The following DNAH14 variants were observed in gnomAD, a reference collection of about 807,000 sequenced individuals.
DNAH14 encodes the protein axonemal beta dynein heavy chain 14.
In DNAH14, 478 loss-of-function variants were observed where a neutral mutation model predicts 520.9. That is an observed-to-expected ratio of 0.92 (90% CI 0.85 to 0.99). The LOEUF (loss-of-function observed/expected upper bound fraction) is 0.99. Ranked by LOEUF, DNAH14 falls within the 50% of genes least tolerant of loss-of-function variation. DNAH14 has a pLI of 0.00. For synonymous variants in DNAH14, 1,581 were observed against 1,757.2 expected (o/e 0.90, Z 2.51); for missense variants, 4,831 against 5,234.5 (o/e 0.92, Z 2.38).
At chr1:225,371,372 G>T (rs1010221044) in intron 77 of DNAH14, among the ~76,000 whole-genome samples, 5 of 152,014 alleles carry the variant, frequency 3.3e-5, no homozygotes, top group African/African-American at 1.2e-4. Flanking sequence ...CATTTGTTAT[G>T]AATTTTGGAG....
At chr1:225,230,405 G>A (rs1346689973) in intron 41 of DNAH14, among the ~76,000 whole-genome samples, 1 of 152,000 alleles carries the variant, frequency 6.6e-6, no homozygotes, top group Non-Finnish European at 1.5e-5. Context: ...ACAAAGAAAT[G>A]CATCAACATA....
At chr1:225,249,672 G>A (rs1209547387) in intron 43 of DNAH14, among the ~76,000 whole-genome samples, 1 of 152,204 alleles carries the variant, frequency 6.6e-6, no homozygotes, top group Non-Finnish European at 1.5e-5. Flanking sequence ...AGTTTACTGA[G>A]TGGTGCAACC....
intron 39 of DNAH14, 133 bp downstream of exon 39, chr1:225,204,406 A>G: frequency 5.8e-6 from 3 of 515,982 alleles, no homozygotes; most frequent in Non-Finnish European, 6.6e-6. Context: ...ATTTGTTCGT[A>G]TGTTTATTTA....
Position 225,289,945 on chromosome 1 carries a change from A to G in DNAH14, c.8332A>G (p.Asn2778Asp). 3.9e-6 allele frequency: 6 copies of G among 1,527,026 alleles called. No individual in the cohort carries two copies. Among genetic ancestry groups the G allele is most frequent in the Middle Eastern group, 1.7e-4 (1 of 5,870 alleles). 94.6% of individuals were successfully genotyped at this position (1,527,026 alleles called of 1,614,324 possible). Residue 2778 changes from asparagine to aspartate, a missense_variant, in exon 55 of 86, where the codon AAT (asparagine) becomes GAT (aspartate). By Grantham distance (23) the Asn-to-Asp change is conservative. Transcript: ENST00000682510. ...AACCTTGGCCTGTTATTTGACAGATAATAAACTATACCGAGTGCCTATATC... is the reference window on the plus strand; with the variant it reads ...AACCTTGGCCTGTTATTTGACAGATGATAAACTATACCGAGTGCCTATATC... ...CATLACYLTDNKLYRVPISHK... is the reference protein window; with the variant it reads ...CATLACYLTDDKLYRVPISHK...
intron 43 of DNAH14, chr1:225,250,567 T>C: frequency 2.3e-6 from 1 of 437,808 alleles, no homozygotes; most frequent in East Asian, 3.5e-5. Context: ...CAGACTCAGA[T>C]GAAGAAAAGG....
chr1:225,052,196 A>C (rs2068603677), intron 17 of DNAH14, among the ~76,000 whole-genome samples: 1 of 152,180 alleles, frequency 6.6e-6, no homozygotes, highest in Admixed American at 6.5e-5. Flanking sequence ...ATACAGATGA[A>C]TATTGGAGTT....
chr1:225,374,138 T>A (rs12735713), intron 77 of DNAH14, among the ~76,000 whole-genome samples: 1 of 98,182 alleles, frequency 1.0e-5, no homozygotes, highest in East Asian at 3.1e-4. Context: ...CCAATATTTG[T>A]GTCTTACTAT....
chr1:225,158,866 A>C (rs921235008), intron 34 of DNAH14, among the ~76,000 whole-genome samples: 2 of 152,196 alleles, frequency 1.3e-5, no homozygotes, highest in African/African-American at 4.8e-5. Context: ...AGTCACTGCT[A>C]TCTGGATCCA....
At chr1:225,141,074 T>G (rs1474447897) in intron 28 of DNAH14, 53 bp downstream of exon 28, 11 of 1,432,016 alleles carry the variant, frequency 7.7e-6, no homozygotes, top group Non-Finnish European at 9.3e-7. Context: ...AAATATATCT[T>G]TAGGTAAATT....
chr1:225,379,117 T>A (rs558703520), intron 79 of DNAH14, among the ~76,000 whole-genome samples: 59 of 152,244 alleles, frequency 3.9e-4, no homozygotes, highest in African/African-American at 1.4e-3. Flanking sequence ...CACGCGCTCC[T>A]CCTGTCACCA....
chr1:225,290,176 A>G (rs2093834846), intron 55 of DNAH14, 94 bp downstream of exon 55: 7 of 866,644 alleles, frequency 8.1e-6, no homozygotes, highest in Admixed American at 3.7e-5. Flanking sequence ...AAAACAAGAA[A>G]ATATTTATCA....
chr1:225,197,557 G>GT (rs1467316989), intron 38 of DNAH14, among the ~76,000 whole-genome samples: 2 of 152,042 alleles, frequency 1.3e-5, no homozygotes, highest in African/African-American at 4.8e-5. Flanking sequence ...TTTTAGGATT[G>GT]TTTTTTCTAG....
At chr1:225,115,293 T>A (rs1016413870) in intron 23 of DNAH14, among the ~76,000 whole-genome samples, 11 of 152,230 alleles carry the variant, frequency 7.2e-5, no homozygotes, top group Non-Finnish European at 1.5e-4. Context: ...GCAGGTTAAC[T>A]ATTTTTATTA....
intron 84 of DNAH14, among the ~76,000 whole-genome samples, chr1:225,393,126 A>G (rs1354413439): frequency 2.0e-5 from 3 of 152,236 alleles, no homozygotes; most frequent in Non-Finnish European, 4.4e-5. Context: ...TAAAGATTTG[A>G]AAAAACAAAA....
intron 77 of DNAH14, among the ~76,000 whole-genome samples, chr1:225,369,392 AAG>A (rs2095590420): frequency 6.6e-6 from 1 of 151,896 alleles, no homozygotes; most frequent in Non-Finnish European, 1.5e-5. Context: ...GAAAATAAAA[AAG>A]AAGAAAGCAG....
At chr1:224,952,005 T>C (rs941176653) in intron 1 of DNAH14, among the ~76,000 whole-genome samples, 1 of 152,234 alleles carries the variant, frequency 6.6e-6, no homozygotes. Context: ...AGTTGATTTA[T>C]CTGAAGCATA....
intron 6 of DNAH14, chr1:224,967,907 G>A: frequency 8.2e-7 from 1 of 1,226,926 alleles, no homozygotes; most frequent in Non-Finnish European, 1.0e-6. Flanking sequence ...ATAAAGAAAA[G>A]AATATTCTTT....
intron 17 of DNAH14, among the ~76,000 whole-genome samples, chr1:225,057,539 G>T (rs1343553579): frequency 6.6e-6 from 1 of 152,072 alleles, no homozygotes; most frequent in East Asian, 1.9e-4. Context: ...TTGCCTGACT[G>T]CCCTGGCCAG....
At chr1:225,193,967 A>C (rs1365224197) in intron 38 of DNAH14, among the ~76,000 whole-genome samples, 2 of 152,158 alleles carry the variant, frequency 1.3e-5, no homozygotes, top group Non-Finnish European at 2.9e-5. Flanking sequence ...AAAAAGTAAA[A>C]TACCCAGGAA....
Sources: allele counts gnomAD v4.1 joint callset (sites outside exome capture counted in the v4.1 genomes callset), GRCh38; gene constraint gnomAD v4.1.1; transcripts MANE v1.5; gene names NCBI Gene and HGNC (gene_info 2026-07-23, HGNC 2026-07-21).